MYO3A: variants seen among roughly 807,000 people sequenced by gnomAD.
MYO3A encodes myosin IIIA.
In MYO3A, 180 loss-of-function variants were observed where a neutral mutation model predicts 192.7. The ratio of observed to expected loss-of-function variants is 0.93; its 90% CI spans 0.83 to 1.06. The LOEUF is 1.06. Among genes scored for constraint, MYO3A ranks in the 50% least tolerant of loss-of-function variants. MYO3A has a pLI of 0.00. For synonymous variants in MYO3A, 628 were observed against 645.3 expected (o/e 0.97, Z 0.41); for missense variants, 1,896 against 1,905.0 (o/e 1.00, Z 0.09).
rs1339265039 is a variant in MYO3A at position 26,128,404 on chromosome 10, G to A, written c.2128G>A (p.Glu710Lys). ...HDSSPSGNGD[E>K]LSIGILDIFG... is the part of the protein sequence containing the mutation. ...CAATTCTTCTAGTGGGAATGGTGATGAGCTGAGCATTGGCATTCTTGATAT... is the reference window on the plus strand; with the variant it reads ...CAATTCTTCTAGTGGGAATGGTGATAAGCTGAGCATTGGCATTCTTGATAT... The change falls in exon 20 of 35, where the codon GAG becomes AAG. Residue 710 changes from glutamate to lysine, a missense_variant. Coordinates refer to ENST00000642920, the MANE Select transcript of MYO3A (RefSeq NM_017433.5). The A allele has an allele frequency of 6.2e-7, 1 of 1,612,998 alleles. No homozygotes were observed. Among genetic ancestry groups the A allele is most frequent in the Non-Finnish European group, 8.5e-7 (1 of 1,179,342 alleles).
At chr10:26,205,608 C>CTTTTTTTTTTTT (rs576007724) in intron 34 of MYO3A, among the ~76,000 whole-genome samples, 5 of 68,618 alleles carry the variant, frequency 7.3e-5, no homozygotes, top group African/African-American at 1.3e-4. Flanking sequence ...CTTTTCTTTT[C>CTTTTTTTTTTTT]TTTTTTTTTT....
chr10:25,944,657 G>T (rs879453208), intron 2 of MYO3A, among the ~76,000 whole-genome samples: 1 of 151,602 alleles, frequency 6.6e-6, no homozygotes, highest in Non-Finnish European at 1.5e-5. Context: ...CTAGGAATTT[G>T]TCCACTTCAT....
intron 6 of MYO3A, among the ~76,000 whole-genome samples, chr10:26,002,657 A>G (rs1007531270): frequency 1.3e-5 from 2 of 152,216 alleles, no homozygotes; most frequent in East Asian, 3.8e-4. Context: ...GGACCAGGTA[A>G]TCGGAATGAG....
At chr10:26,149,615 T>TC (rs946164797) in intron 23 of MYO3A, among the ~76,000 whole-genome samples, 10 of 152,186 alleles carry the variant, frequency 6.6e-5, no homozygotes, top group African/African-American at 2.4e-4. Flanking sequence ...ATTACCCTTT[T>TC]TTTTTGTTAT....
At chr10:26,210,630 C>T (rs1180023132) in intron 34 of MYO3A, among the ~76,000 whole-genome samples, 6 of 152,218 alleles carry the variant, frequency 3.9e-5, no homozygotes. Flanking sequence ...GCACAGAACC[C>T]TTCAATGTTT....
intron 4 of MYO3A, among the ~76,000 whole-genome samples, chr10:25,962,825 A>G (rs532614237): frequency 6.6e-6 from 1 of 152,150 alleles, no homozygotes; most frequent in Non-Finnish European, 1.5e-5. Flanking sequence ...CATATAAGGC[A>G]TTTGCTATTG....
At chr10:25,957,577 C>G (rs1837636974) in intron 4 of MYO3A, among the ~76,000 whole-genome samples, 1 of 152,052 alleles carries the variant, frequency 6.6e-6, no homozygotes, top group Non-Finnish European at 1.5e-5. Flanking sequence ...TGTGGTAGAA[C>G]AATTTCTATT....
intron 1 of MYO3A, among the ~76,000 whole-genome samples, 162 bp downstream of exon 1, chr10:25,934,490 C>T (rs1184958046): frequency 6.6e-6 from 1 of 152,042 alleles, no homozygotes; most frequent in Non-Finnish European, 1.5e-5. Flanking sequence ...CCGCCCAGGT[C>T]AGATCCGGAG....
chr10:25,975,123 T>C (rs1360832596), intron 4 of MYO3A, among the ~76,000 whole-genome samples: 3 of 152,148 alleles, frequency 2.0e-5, no homozygotes, highest in African/African-American at 7.2e-5. Flanking sequence ...GCACGCACAG[T>C]AGGTTATCTT....
chr10:26,184,160 T>A (rs1004417493), intron 31 of MYO3A, among the ~76,000 whole-genome samples: 14 of 152,212 alleles, frequency 9.2e-5, no homozygotes, highest in African/African-American at 3.4e-4. Flanking sequence ...AGCTCAGAAC[T>A]GTGTGCAGCT....
intron 2 of MYO3A, among the ~76,000 whole-genome samples, chr10:25,938,320 C>T (rs1449032674): frequency 3.9e-5 from 6 of 152,052 alleles, no homozygotes; most frequent in South Asian, 2.1e-4. Flanking sequence ...TTGTAAGTCC[C>T]GTCGGAAGGC....
At chr10:26,004,585 A>G (rs1310816271) in intron 6 of MYO3A, among the ~76,000 whole-genome samples, 2 of 152,122 alleles carry the variant, frequency 1.3e-5, no homozygotes, top group Non-Finnish European at 2.9e-5. Flanking sequence ...ATTCTCAACT[A>G]AAAGGAATCA....
chr10:26,039,001 C>T, intron 10 of MYO3A, among the ~76,000 whole-genome samples: 1 of 151,652 alleles, frequency 6.6e-6, no homozygotes, highest in East Asian at 1.9e-4. Flanking sequence ...ATAAATCCCA[C>T]TTGGTCATAA....
intron 2 of MYO3A, among the ~76,000 whole-genome samples, chr10:25,937,089 G>C (rs1588620931): frequency 6.6e-6 from 1 of 151,526 alleles, no homozygotes; most frequent in South Asian, 2.1e-4. Flanking sequence ...TAAAATAATT[G>C]ATTTACTTAC....
chr10:26,091,788 G>A (rs1805162614), intron 15 of MYO3A, among the ~76,000 whole-genome samples: 1 of 152,228 alleles, frequency 6.6e-6, no homozygotes. Context: ...AGCTGGCAAT[G>A]ACTGAGTTGG....
chr10:25,995,308 G>T (rs939792965), intron 4 of MYO3A, among the ~76,000 whole-genome samples: 1 of 152,186 alleles, frequency 6.6e-6, no homozygotes, highest in African/African-American at 2.4e-5. Flanking sequence ...AGTTGCTGAA[G>T]CTTGTGCATT....
Position 26,068,644 on chromosome 10 carries a change from G to A in MYO3A, c.1054-124G>A, listed in dbSNP as rs35636005. 0.48 allele frequency: 291,160 copies of A among 608,550 alleles called. 72,679 individuals are homozygous for A. Among genetic ancestry groups the A allele is most frequent in the Middle Eastern group, 0.54 (1,145 of 2,104 alleles). The allele number at this position is 608,550 out of a possible 1,614,324, so 37.7% of individuals were successfully genotyped here. Reference sequence around the variant, plus strand: ...TGATGTTACATGTTTTTTACTATCAGTGTGTCTGTTTTTCTAATCCTTCGT... The same window carrying A: ...TGATGTTACATGTTTTTTACTATCAATGTGTCTGTTTTTCTAATCCTTCGT... On this transcript the variant is annotated intron_variant, in intron 11 of 34. Transcript: ENST00000642920.
At chr10:25,965,646 T>G (rs1838211015) in intron 4 of MYO3A, among the ~76,000 whole-genome samples, 1 of 152,038 alleles carries the variant, frequency 6.6e-6, no homozygotes, top group Admixed American at 6.6e-5. Context: ...CTAGATTGCT[T>G]TTCAAGTTTA....
At chr10:26,022,258 A>G (rs536031670) in intron 8 of MYO3A, 57 of 152,184 alleles carry the variant, frequency 3.7e-4, no homozygotes, top group African/African-American at 1.1e-3. Context: ...CTATAAACTA[A>G]TTTCTTTAAA....
Sources: allele counts gnomAD v4.1 joint callset (sites outside exome capture counted in the v4.1 genomes callset), GRCh38; gene constraint gnomAD v4.1.1; transcripts MANE v1.5; gene names NCBI Gene and HGNC (gene_info 2026-07-23, HGNC 2026-07-21).